ADAM12: variants seen among roughly 807,000 people sequenced by gnomAD.
The protein encoded by ADAM12 is ADAM metallopeptidase domain 12.
Under a neutral mutation model 106.4 loss-of-function variants are expected in ADAM12, and 70 were observed. That is an observed-to-expected ratio of 0.66 (90% confidence interval 0.54 to 0.80). The LOEUF (loss-of-function observed/expected upper bound fraction) is 0.80, where lower values mean the gene tolerates loss of function less well. Ranked by LOEUF, ADAM12 falls within the 30% of genes least tolerant of loss-of-function variation. The probability of loss-of-function intolerance (pLI) is 0.00; values close to 1 mark genes in which losing one functional copy is unlikely to be tolerated. For synonymous variants in ADAM12, 420 were observed against 433.5 expected (o/e 0.97, Z 0.39); for missense variants, 1,010 against 1,171.9 (o/e 0.86, Z 2.02).
chr10:126,305,170 T>C (rs1960791348), intron 2 of ADAM12, among the ~76,000 whole-genome samples: 1 of 152,054 alleles, frequency 6.6e-6, no homozygotes. Flanking sequence ...ACAGAGTTAA[T>C]TATAACAGCT....
At chr10:126,187,337 C>A (rs376309686) in intron 3 of ADAM12, among the ~76,000 whole-genome samples, 54 of 118,412 alleles carry the variant, frequency 4.6e-4, no homozygotes, top group Middle Eastern at 4.3e-3. Flanking sequence ...AAAAAAAAAA[C>A]AAATTTAATG....
rs527339750 is a variant in ADAM12, at chr10:126,069,521, C to T, written c.1323+1956G>A. Among the ~76,000 whole-genome samples the T allele has an allele frequency of 6.8e-4, 103 of 152,286 alleles. 3 individuals are homozygous for T. Among genetic ancestry groups the T allele is most frequent in the Non-Finnish European group, 2.5e-4 (17 of 68,036 alleles). On this transcript the variant is annotated intron_variant, in intron 12 of 22. Transcript: ENST00000448723. ...CCCTATAATGCAACATGCCACCTGGCGAGACAGCACCCTGTCAAGCCGCAT... is the reference window on the plus strand; with the variant it reads ...CCCTATAATGCAACATGCCACCTGGTGAGACAGCACCCTGTCAAGCCGCAT...
At chr10:126,170,539 C>T (rs1159598252) in intron 3 of ADAM12, among the ~76,000 whole-genome samples, 1 of 152,022 alleles carries the variant, frequency 6.6e-6, no homozygotes, top group African/African-American at 2.4e-5. Context: ...AGTTTGCCTG[C>T]TCCAATCCCC....
intron 18 of ADAM12, chr10:126,042,074 G>A: frequency 6.3e-7 from 1 of 1,588,072 alleles, no homozygotes; most frequent in Non-Finnish European, 8.6e-7. Context: ...GGAGGCCTTG[G>A]GGACGCGTGA....
intron 11 of ADAM12, among the ~76,000 whole-genome samples, chr10:126,089,749 T>C (rs1955427189): frequency 6.6e-6 from 1 of 151,766 alleles, no homozygotes; most frequent in Non-Finnish European, 1.5e-5. Context: ...GGCAGCAAGG[T>C]GTCCCCACAG....
At chr10:126,222,266 T>C (rs1958109032) in intron 3 of ADAM12, among the ~76,000 whole-genome samples, 1 of 150,868 alleles carries the variant, frequency 6.6e-6, no homozygotes, top group Non-Finnish European at 1.5e-5. Context: ...TTTATTTCTA[T>C]AAAAAAAAAG....
chr10:126,024,124 G>A (rs771225139), intron 21 of ADAM12, among the ~76,000 whole-genome samples: 3 of 152,158 alleles, frequency 2.0e-5, no homozygotes, highest in African/African-American at 4.8e-5. Context: ...AGTGCAAATT[G>A]CATGAAGGTA....
intron 14 of ADAM12, among the ~76,000 whole-genome samples, chr10:126,061,014 C>T (rs1590353655): frequency 1.3e-5 from 2 of 152,242 alleles, no homozygotes; most frequent in East Asian, 3.9e-4. Context: ...TCCCTTTGTG[C>T]CCTGAGCTGT....
intron 5 of ADAM12, among the ~76,000 whole-genome samples, chr10:126,120,215 G>A (rs573604624): frequency 6.6e-6 from 1 of 152,260 alleles, no homozygotes; most frequent in South Asian, 2.1e-4. Context: ...CCCTCTGAAA[G>A]TTCACTACAA....
At chr10:126,129,949 A>C (rs1352254196) in intron 5 of ADAM12, among the ~76,000 whole-genome samples, 2 of 152,154 alleles carry the variant, frequency 1.3e-5, no homozygotes, top group East Asian at 3.9e-4. Context: ...TCTATGTTCT[A>C]GAACAGAGTT....
intron 4 of ADAM12, among the ~76,000 whole-genome samples, chr10:126,141,399 T>C (rs1956508934): frequency 6.6e-6 from 1 of 152,192 alleles, no homozygotes; most frequent in African/African-American, 2.4e-5. Context: ...AGACATTCTA[T>C]TTCTACCAAC....
chr10:126,212,958 G>T (rs1245682465), intron 3 of ADAM12, among the ~76,000 whole-genome samples: 1 of 150,990 alleles, frequency 6.6e-6, no homozygotes, highest in Admixed American at 6.6e-5. Context: ...GCCTTTGAAT[G>T]CACATAATTT....
chr10:126,100,981 G>A (rs1045932373), intron 9 of ADAM12, 91 bp downstream of exon 9: 5 of 1,412,520 alleles, frequency 3.5e-6, no homozygotes, highest in Non-Finnish European at 4.8e-6. Context: ...TCTGCAGAAA[G>A]GTGGCAGCTC....
At position 126,084,458 on chromosome 10, in the gene ADAM12, G is replaced by A. The variant is rs140616512; in HGVS notation, c.1145+9527C>T. On this transcript the variant is annotated intron_variant, in intron 11 of 22. Transcript: ENST00000448723. ...GGAGGAGCAGACTCTCGTAGACATGGACAGATGCAGTGGTTAATAATGGAC... is the reference window on the plus strand; with the variant it reads ...GGAGGAGCAGACTCTCGTAGACATGAACAGATGCAGTGGTTAATAATGGAC... Among the ~76,000 whole-genome samples the A allele has an allele frequency of 3.3e-5, 5 of 152,266 alleles. No individual in the cohort carries two copies. In the East Asian group the frequency reaches 9.7e-4, roughly 29 times the overall value.
At chr10:126,156,614 T>C (rs1012815266) in intron 3 of ADAM12, among the ~76,000 whole-genome samples, 4 of 152,262 alleles carry the variant, frequency 2.6e-5, no homozygotes, top group African/African-American at 9.6e-5. Flanking sequence ...TCCAATTCTT[T>C]GTTCAAAACA....
At chr10:126,197,874 A>G (rs1957626518) in intron 3 of ADAM12, among the ~76,000 whole-genome samples, 1 of 152,180 alleles carries the variant, frequency 6.6e-6, no homozygotes, top group Non-Finnish European at 1.5e-5. Flanking sequence ...ACAGGCCTGA[A>G]AGCCCCAGAC....
chr10:126,078,063 C>A (rs1955137762), intron 11 of ADAM12, among the ~76,000 whole-genome samples: 1 of 152,208 alleles, frequency 6.6e-6, no homozygotes, highest in South Asian at 2.1e-4. Context: ...TTAATCCACA[C>A]ATATTAGAAT....
Position 126,317,986 on chromosome 10 carries a change from C to T in ADAM12, c.186+12426G>A, listed in dbSNP as rs552187273. On this transcript the variant is annotated intron_variant, in intron 2 of 22. Coordinates refer to ENST00000448723, the MANE Select transcript of ADAM12 (RefSeq NM_001288973.2). ...TCTTTTATAATCTACCCACAGCAGACATACACATATATTTCCCACACTCTG... is the reference window on the plus strand; with the variant it reads ...TCTTTTATAATCTACCCACAGCAGATATACACATATATTTCCCACACTCTG... Among the ~76,000 whole-genome samples, 9 of 152,286 alleles carry T rather than the reference C, an allele frequency of 5.9e-5. No individual in the cohort carries two copies. In the South Asian group the frequency reaches 6.2e-4, roughly 11 times the overall value.
intron 22 of ADAM12, among the ~76,000 whole-genome samples, chr10:126,019,073 C>T (rs1439231303): frequency 1.3e-5 from 2 of 152,262 alleles, no homozygotes; most frequent in African/African-American, 4.8e-5. Context: ...AATGGTTTAG[C>T]ACCATCTCCT....
Sources: gnomAD v4.1 joint callset for allele counts (sites outside exome capture counted in the v4.1 genomes callset) on GRCh38, gnomAD v4.1.1 for gene constraint, MANE v1.5 for transcripts, NCBI Gene and HGNC (gene_info 2026-07-23, HGNC 2026-07-21) for gene names.